The following ZC3H12B variants were observed in gnomAD, a reference collection of about 807,000 sequenced individuals.
ZC3H12B encodes the protein probable ribonuclease ZC3H12B.
Under a neutral mutation model 43.9 loss-of-function variants are expected in ZC3H12B, and 7 were observed. The observed-to-expected ratio is 0.16, with a 90% CI of 0.09 to 0.30. The LOEUF is 0.30. Among genes scored for constraint, ZC3H12B ranks in the 10% least tolerant of loss-of-function variants. ZC3H12B has a pLI of 1.00. For synonymous variants in ZC3H12B, 222 were observed against 241.7 expected, an observed-to-expected ratio of 0.92 and a Z score of 0.76; for missense variants, 475 against 670.2, an observed-to-expected ratio of 0.71 and a Z score of 3.22.
At chrX:65,340,791 G>A in the ZC3H12B span, among the ~76,000 whole-genome samples, 1 of 112,403 alleles carries the variant, frequency 8.9e-6, no homozygotes, top group South Asian at 3.7e-4. Flanking sequence ...AACTCAAAAA[G>A]CCAGAGTGCC....
the ZC3H12B span, among the ~76,000 whole-genome samples, chrX:65,202,393 T>G: frequency 9.3e-6 from 1 of 107,722 alleles, no homozygotes; most frequent in Non-Finnish European, 1.9e-5. Flanking sequence ...TTTTCTAGAA[T>G]TCAAAGGCAC....
At chrX:65,507,721 T>C (rs1396689811) in exon 5 of ZC3H12B, 1 of 112,313 alleles carries the variant, frequency 8.9e-6, no homozygotes, top group Non-Finnish European at 1.9e-5. Flanking sequence ...TCTGCCCCTA[T>C]AATGCACGTG....
chrX:65,146,317 T>C, the ZC3H12B span, among the ~76,000 whole-genome samples: 4 of 112,023 alleles, frequency 3.6e-5, no homozygotes. Context: ...TGTGTGTCCA[T>C]TGTTTCCTGA....
At chrX:65,334,725 A>C in the ZC3H12B span, among the ~76,000 whole-genome samples, 1 of 111,581 alleles carries the variant, frequency 9.0e-6, no homozygotes, top group Non-Finnish European at 1.9e-5. Flanking sequence ...GAAAAGTGCC[A>C]GTTTCTCTGA....
the ZC3H12B span, among the ~76,000 whole-genome samples, chrX:65,167,191 C>A: frequency 8.9e-6 from 1 of 111,764 alleles, no homozygotes; most frequent in Non-Finnish European, 1.9e-5. Context: ...ACATTTAAGT[C>A]TTTAATCCAT....
chrX:65,204,291 G>C, the ZC3H12B span, among the ~76,000 whole-genome samples: 1 of 111,844 alleles, frequency 8.9e-6, no homozygotes, highest in Admixed American at 9.5e-5. Flanking sequence ...CTGATCGGTG[G>C]ATCCTTCTAT....
chrX:65,355,402 T>C, the ZC3H12B span, among the ~76,000 whole-genome samples: 1 of 112,112 alleles, frequency 8.9e-6, no homozygotes, highest in Non-Finnish European at 1.9e-5. Flanking sequence ...TTAAATATTT[T>C]AATACATTAA....
At chrX:65,194,251 G>C in the ZC3H12B span, among the ~76,000 whole-genome samples, 1 of 78,564 alleles carries the variant, frequency 1.3e-5, no homozygotes, top group Non-Finnish European at 2.4e-5. Context: ...CTTTGGGGTG[G>C]GGGGAGGGGG....
At chrX:65,069,062 T>C in the ZC3H12B span, among the ~76,000 whole-genome samples, 1 of 110,210 alleles carries the variant, frequency 9.1e-6, no homozygotes, top group African/African-American at 3.3e-5. Flanking sequence ...TTTTTCTTTA[T>C]CTTTGATCTT....
At chrX:65,194,206 C>A in the ZC3H12B span, among the ~76,000 whole-genome samples, 1 of 94,121 alleles carries the variant, frequency 1.1e-5, no homozygotes, top group Admixed American at 1.2e-4. Context: ...TGTCACATTT[C>A]CCTTATAATT....
At chrX:65,287,095 C>A in the ZC3H12B span, among the ~76,000 whole-genome samples, 1 of 110,417 alleles carries the variant, frequency 9.1e-6, no homozygotes, top group African/African-American at 3.3e-5. Flanking sequence ...TGTGGGACTC[C>A]CAACACCCCA....
the ZC3H12B span, among the ~76,000 whole-genome samples, chrX:65,083,163 T>C: frequency 2.7e-5 from 3 of 111,074 alleles, no homozygotes; most frequent in Non-Finnish European, 5.7e-5. Flanking sequence ...TCATACTAAA[T>C]GGGGAAAAAC....
chrX:65,145,297 C>T, the ZC3H12B span, among the ~76,000 whole-genome samples: 1 of 106,926 alleles, frequency 9.4e-6, no homozygotes, highest in South Asian at 4.2e-4. Flanking sequence ...TATTCCTGCT[C>T]ACTTTTGATG....
the ZC3H12B span, among the ~76,000 whole-genome samples, chrX:65,261,901 A>G: frequency 9.0e-6 from 1 of 111,061 alleles, no homozygotes; most frequent in Non-Finnish European, 1.9e-5. Flanking sequence ...GTGCCTAAAT[A>G]TGCAGATGCT....
At chrX:65,440,240 G>A (rs949700157) in intron 3 of ZC3H12B, among the ~76,000 whole-genome samples, 1 of 112,048 alleles carries the variant, frequency 8.9e-6, no homozygotes, top group Non-Finnish European at 1.9e-5. Flanking sequence ...AAAGGTCCTG[G>A]AAGAGGTGTA....
the ZC3H12B span, among the ~76,000 whole-genome samples, chrX:65,180,569 C>T: frequency 9.0e-6 from 1 of 111,617 alleles, no homozygotes; most frequent in African/African-American, 3.3e-5. Context: ...AGCAAAGTCT[C>T]AGGATACAGA....
chrX:65,173,424 G>A, the ZC3H12B span, among the ~76,000 whole-genome samples: 4 of 111,192 alleles, frequency 3.6e-5, no homozygotes, highest in Admixed American at 3.9e-4. Context: ...TTTTTCTCTT[G>A]CCTGATTGTG....
chrX:65,205,123 G>A, the ZC3H12B span, among the ~76,000 whole-genome samples: 2 of 111,994 alleles, frequency 1.8e-5, no homozygotes, highest in Non-Finnish European at 3.8e-5. Flanking sequence ...TTTCAGTTTT[G>A]ATGAGTACTT....
the ZC3H12B span, among the ~76,000 whole-genome samples, chrX:65,224,932 C>G: frequency 8.9e-6 from 1 of 112,166 alleles, no homozygotes; most frequent in African/African-American, 3.2e-5. Flanking sequence ...CTGTAGGCTC[C>G]AACTCTGGGG....
Sources: gnomAD v4.1 joint callset for allele counts (sites outside exome capture counted in the v4.1 genomes callset) on GRCh38, gnomAD v4.1.1 for gene constraint, MANE v1.5 for transcripts, NCBI Gene and HGNC (gene_info 2026-07-23, HGNC 2026-07-21) for gene names.